CNTNAP2: variants seen among roughly 807,000 people sequenced by gnomAD.
CNTNAP2 encodes contactin-associated protein-like 2.
Under a neutral mutation model 155.2 loss-of-function variants are expected in CNTNAP2, and 98 were observed. The ratio of observed to expected loss-of-function variants is 0.63; its 90% CI spans 0.54 to 0.75. The LOEUF (loss-of-function observed/expected upper bound fraction) is 0.75, where lower values mean the gene tolerates loss of function less well. CNTNAP2 is among the 30% of genes least tolerant of loss of function. The pLI is 0.00. For synonymous variants in CNTNAP2, 651 were observed against 631.2 expected, an observed-to-expected ratio of 1.03 and a Z score of -0.47; for missense variants, 1,727 against 1,688.1, an observed-to-expected ratio of 1.02 and a Z score of -0.40.
At position 148,214,237 on chromosome 7, in the gene CNTNAP2, A is replaced by G. The variant is rs535901839; in HGVS notation, c.3011-3051A>G. 6.6e-5 allele frequency among the ~76,000 whole-genome samples: 10 copies of G among 152,320 alleles called. 1 individual carries two copies. In the South Asian group the frequency reaches 1.7e-3, roughly 25 times the overall value. On this transcript the variant is annotated intron_variant, in intron 18 of 23. Transcript: ENST00000361727. Reference sequence around the variant, plus strand: ...GAGCTCCTTCAGAGCAAGAGTTGTCAGCACCCAGCATCGTGCCCAGGGTGC... The same window carrying G: ...GAGCTCCTTCAGAGCAAGAGTTGTCGGCACCCAGCATCGTGCCCAGGGTGC...
intron 2 of CNTNAP2, among the ~76,000 whole-genome samples, chr7:146,788,176 CG>C (rs1416589715): frequency 6.6e-6 from 1 of 152,174 alleles, no homozygotes; most frequent in Non-Finnish European, 1.5e-5. Context: ...GCCACCAAGC[CG>C]GCGCCCACCT....
chr7:146,644,398 A>G (rs1799772704), intron 1 of CNTNAP2, among the ~76,000 whole-genome samples: 2 of 152,184 alleles, frequency 1.3e-5, no homozygotes, highest in Non-Finnish European at 2.9e-5. Context: ...CCTGTTCTGC[A>G]TCTATTGAGA....
intron 10 of CNTNAP2, among the ~76,000 whole-genome samples, chr7:147,419,397 T>G (rs1196743104): frequency 6.6e-6 from 1 of 152,184 alleles, no homozygotes; most frequent in Non-Finnish European, 1.5e-5. Flanking sequence ...TGAAGATATA[T>G]GGCTAGGAGT....
At position 147,199,042 on chromosome 7, in the gene CNTNAP2, A is replaced by T. The variant is rs370909414; in HGVS notation, c.1348+66533A>T. The stretch of plus-strand genomic sequence containing the variant: ...AATGGCGTGGTCTCAGCTCACTGCA[A>T]CCTTCGCCTCCTGGGTTCAAGCAAT... On this transcript the variant is annotated intron_variant, in intron 8 of 23. Coordinates refer to ENST00000361727, the MANE Select transcript of CNTNAP2 (RefSeq NM_014141.6). Among the ~76,000 whole-genome samples, 23 of 149,664 alleles carry T rather than the reference A, an allele frequency of 1.5e-4. 1 individual carries two copies. In the East Asian group the frequency reaches 4.0e-3, roughly 26 times the overall value.
intron 1 of CNTNAP2, among the ~76,000 whole-genome samples, chr7:146,306,272 A>G (rs1381627903): frequency 1.3e-5 from 2 of 151,828 alleles, no homozygotes; most frequent in African/African-American, 4.8e-5. Flanking sequence ...ACCAACCAAA[A>G]ACGTCCAGGA....
In CNTNAP2 at chr7:147,387,048, G is replaced by A. The variant is rs191792891; in HGVS notation, c.1499-8561G>A. Among the ~76,000 whole-genome samples the A allele has an allele frequency of 2.2e-3, 338 of 152,160 alleles. 1 individual carries two copies. The highest frequency in any genetic ancestry group is 6.5e-3 in the African/African-American group (269 of 41,510). On this transcript the variant is annotated intron_variant, in intron 9 of 23. Transcript: ENST00000361727. ...CCCATTTTTAAAACCATCAGATCTCGTGAGACGTATTCACCATCACGGGAA... is the reference window on the plus strand; with the variant it reads ...CCCATTTTTAAAACCATCAGATCTCATGAGACGTATTCACCATCACGGGAA...
At chr7:147,519,052 C>G (rs1276919875) in intron 11 of CNTNAP2, among the ~76,000 whole-genome samples, 1 of 150,270 alleles carries the variant, frequency 6.7e-6, no homozygotes, top group African/African-American at 2.4e-5. Context: ...AAAAATTATG[C>G]TGCAGTTTCC....
chr7:148,404,919 G>A (rs6948923), intron 22 of CNTNAP2, among the ~76,000 whole-genome samples: 43,582 of 151,984 alleles, frequency 0.29, 7,109 homozygotes, highest in African/African-American at 0.43. Context: ...ATGTTCAGCC[G>A]CTTGTTCTCT....
chr7:147,433,490 G>T (rs1228669184), intron 10 of CNTNAP2, among the ~76,000 whole-genome samples: 4 of 152,154 alleles, frequency 2.6e-5, no homozygotes, highest in African/African-American at 9.7e-5. Flanking sequence ...ACTTCTTGGT[G>T]ATAAGAGTGA....
intron 15 of CNTNAP2, among the ~76,000 whole-genome samples, chr7:148,015,852 C>T (rs913160950): frequency 6.6e-6 from 1 of 152,170 alleles, no homozygotes; most frequent in African/African-American, 2.4e-5. Context: ...GAGATTTCAA[C>T]ACTATTTTGT....
At chr7:147,554,931 T>A (rs1799923801) in intron 11 of CNTNAP2, among the ~76,000 whole-genome samples, 1 of 152,182 alleles carries the variant, frequency 6.6e-6, no homozygotes, top group African/African-American at 2.4e-5. Flanking sequence ...GAAGCTTATA[T>A]TGTACTAATT....
intron 15 of CNTNAP2, among the ~76,000 whole-genome samples, chr7:148,112,678 A>G (rs1423320682): frequency 6.6e-6 from 1 of 152,116 alleles, no homozygotes; most frequent in Admixed American, 6.6e-5. Flanking sequence ...TACAGGTGTG[A>G]GGCACCATGC....
At chr7:146,949,955 A>G (rs139285584) in intron 3 of CNTNAP2, among the ~76,000 whole-genome samples, 10 of 152,256 alleles carry the variant, frequency 6.6e-5, no homozygotes, top group African/African-American at 2.2e-4. Flanking sequence ...TAATAATACT[A>G]TGTGCGAAGA....
At chr7:146,487,801 A>G (rs1304018997) in intron 1 of CNTNAP2, among the ~76,000 whole-genome samples, 1 of 152,186 alleles carries the variant, frequency 6.6e-6, no homozygotes, top group Non-Finnish European at 1.5e-5. Flanking sequence ...TGAGACGGAA[A>G]TAAGGAAAAG....
rs114181733 is a variant in CNTNAP2 at position 146,341,709 on chromosome 7, A to T, written c.97+224736A>T. Among the ~76,000 whole-genome samples the T allele has an allele frequency of 5.8e-3, 877 of 152,252 alleles. 12 individuals carry two copies. Among genetic ancestry groups the T allele is most frequent in the African/African-American group, 0.02 (838 of 41,550 alleles). ...AACTTTAGTATTTAATTCTAGTGTT[A>T]ATTTCAAAAACAAAAACAAAAAAAA... On this transcript the variant is annotated intron_variant, in intron 1 of 23. Transcript: ENST00000361727.
intron 9 of CNTNAP2, among the ~76,000 whole-genome samples, chr7:147,324,072 G>A (rs10500175): frequency 0.17 from 25,816 of 151,854 alleles, 2,821 homozygotes; most frequent in Non-Finnish European, 0.24. Context: ...TGAAGGTATA[G>A]TGTGTAGAAT....
At chr7:147,044,420 A>G (rs1344008207) in intron 4 of CNTNAP2, among the ~76,000 whole-genome samples, 1 of 152,120 alleles carries the variant, frequency 6.6e-6, no homozygotes, top group Non-Finnish European at 1.5e-5. Context: ...TTATCTATGT[A>G]TTTGGGTCTT....
At chr7:147,188,394 C>T (rs574786557) in intron 8 of CNTNAP2, among the ~76,000 whole-genome samples, 3 of 152,214 alleles carry the variant, frequency 2.0e-5, no homozygotes, top group African/African-American at 7.2e-5. Flanking sequence ...TTCACATACA[C>T]GCATGATATT....
intron 8 of CNTNAP2, among the ~76,000 whole-genome samples, chr7:147,296,968 G>A (rs1794830133): frequency 6.6e-6 from 1 of 152,162 alleles, no homozygotes; most frequent in Non-Finnish European, 1.5e-5. Context: ...GCCAGAGTGG[G>A]ATGAAGAGAT....
Sources: allele counts gnomAD v4.1 joint callset (sites outside exome capture counted in the v4.1 genomes callset), GRCh38; gene constraint gnomAD v4.1.1; transcripts MANE v1.5; gene names NCBI Gene and HGNC (gene_info 2026-07-23, HGNC 2026-07-21).